SAMD12: variants seen among roughly 807,000 people sequenced by gnomAD.
SAMD12 encodes the protein sterile alpha motif domain-containing protein 12.
SAMD12 carries 9 observed loss-of-function variants against 15.0 expected under a neutral mutation model. That is an observed-to-expected ratio of 0.60 (90% CI 0.36 to 1.05). The LOEUF (loss-of-function observed/expected upper bound fraction) is 1.05, where lower values mean the gene tolerates loss of function less well. Ranked by LOEUF, SAMD12 falls within the 50% of genes least tolerant of loss-of-function variation. The pLI, the probability that SAMD12 is intolerant of heterozygous loss-of-function variation, is 0.01. For synonymous variants in SAMD12, 86 were observed against 90.1 expected, an observed-to-expected ratio of 0.96 and a Z score of 0.25; for missense variants, 230 against 234.2, an observed-to-expected ratio of 0.98 and a Z score of 0.12.
rs1006789128 is a variant in SAMD12 at position 118,271,337 on chromosome 8, A to G, written c.434-73605T>C. On this transcript the variant is annotated intron_variant, in intron 4 of 4. Coordinates refer to the SAMD12 transcript ENST00000409003. ...ACTATCATGAGAATAGCATAAGGGTAACTGTCCCCATGATTAAATTACCTC... is the reference window on the plus strand; with the variant it reads ...ACTATCATGAGAATAGCATAAGGGTGACTGTCCCCATGATTAAATTACCTC... Among the ~76,000 whole-genome samples the G allele has an allele frequency of 3.3e-5, 5 of 152,116 alleles. No homozygotes were observed. The South Asian group carries it at 1.0e-3, about 32-fold the overall frequency.
At chr8:118,610,462 A>G (rs1485374261) in intron 1 of SAMD12, among the ~76,000 whole-genome samples, 1 of 152,220 alleles carries the variant, frequency 6.6e-6, no homozygotes, top group African/African-American at 2.4e-5. Flanking sequence ...AAGTTCTACC[A>G]CAAATTAGCA....
At chr8:118,159,576 C>T in the SAMD12 span, among the ~76,000 whole-genome samples, 3 of 152,192 alleles carry the variant, frequency 2.0e-5, no homozygotes, top group Non-Finnish European at 2.9e-5. Context: ...GCTGGCAAAG[C>T]AACCCTCCAA....
the SAMD12 span, among the ~76,000 whole-genome samples, chr8:118,144,213 CTCT>C: frequency 6.6e-6 from 1 of 152,138 alleles, no homozygotes; most frequent in Non-Finnish European, 1.5e-5. Flanking sequence ...CCACAATTGT[CTCT>C]TCATCTCAAG....
chr8:118,271,884 C>A (rs936224896), intron 4 of SAMD12, among the ~76,000 whole-genome samples: 1 of 152,218 alleles, frequency 6.6e-6, no homozygotes, highest in Non-Finnish European at 1.5e-5. Context: ...TACAGCCCCC[C>A]ACTTCCTGGC....
At chr8:118,582,038 C>T (rs1364350428) in intron 1 of SAMD12, among the ~76,000 whole-genome samples, 1 of 152,170 alleles carries the variant, frequency 6.6e-6, no homozygotes, top group African/African-American at 2.4e-5. Flanking sequence ...CTATTCGGCA[C>T]TCCATTTAGG....
chr8:118,582,884 T>C (rs1042274288), intron 1 of SAMD12, among the ~76,000 whole-genome samples: 1 of 151,190 alleles, frequency 6.6e-6, no homozygotes, highest in African/African-American at 2.4e-5. Context: ...TGCATCTCGG[T>C]AGTTTCATCA....
chr8:118,243,499 T>C (rs1812619848), intron 4 of SAMD12, among the ~76,000 whole-genome samples: 1 of 152,154 alleles, frequency 6.6e-6, no homozygotes, highest in Non-Finnish European at 1.5e-5. Flanking sequence ...GGTGCACATA[T>C]ACACTTGAAA....
intron 3 of SAMD12, among the ~76,000 whole-genome samples, chr8:118,398,335 G>C (rs752402680): frequency 6.6e-6 from 1 of 152,148 alleles, no homozygotes; most frequent in Non-Finnish European, 1.5e-5. Context: ...GCCGATGCAG[G>C]TTACAGTGAG....
chr8:118,422,722 GAA>G (rs562715294), intron 3 of SAMD12, among the ~76,000 whole-genome samples: 16 of 152,230 alleles, frequency 1.1e-4, no homozygotes, highest in Non-Finnish European at 2.2e-4. Flanking sequence ...ATCATAGGAA[GAA>G]GAGAGACTAA....
chr8:118,149,073 T>C, the SAMD12 span, among the ~76,000 whole-genome samples: 1 of 152,200 alleles, frequency 6.6e-6, no homozygotes, highest in African/African-American at 2.4e-5. Context: ...TGCTGGGTCA[T>C]ATGGTAAATG....
chr8:118,342,478 A>C (rs992881741), intron 4 of SAMD12, among the ~76,000 whole-genome samples: 6 of 152,170 alleles, frequency 3.9e-5, no homozygotes, highest in Non-Finnish European at 8.8e-5. Flanking sequence ...AATATCTCCT[A>C]CTTTGAAATT....
intron 4 of SAMD12, among the ~76,000 whole-genome samples, chr8:118,255,080 CA>C (rs1430787668): frequency 6.6e-6 from 1 of 152,026 alleles, no homozygotes; most frequent in Non-Finnish European, 1.5e-5. Context: ...GAATCACTTT[CA>C]AATCCATAGC....
the SAMD12 span, among the ~76,000 whole-genome samples, chr8:118,147,673 T>G: frequency 6.6e-6 from 1 of 151,944 alleles, no homozygotes; most frequent in Non-Finnish European, 1.5e-5. Flanking sequence ...ATGAAAAAAT[T>G]AAAGCTAAAA....
At chr8:118,412,588 G>A (rs1456780455) in intron 3 of SAMD12, among the ~76,000 whole-genome samples, 1 of 152,096 alleles carries the variant, frequency 6.6e-6, no homozygotes, top group Non-Finnish European at 1.5e-5. Flanking sequence ...GTATAGCAAA[G>A]GTTACTGCAT....
chr8:118,309,809 T>G (rs1331575427), intron 4 of SAMD12, among the ~76,000 whole-genome samples: 1 of 152,190 alleles, frequency 6.6e-6, no homozygotes, highest in Middle Eastern at 3.2e-3. Context: ...TAGTCCCATA[T>G]TTTCTGTCTT....
At chr8:118,146,851 G>A in the SAMD12 span, among the ~76,000 whole-genome samples, 1 of 152,098 alleles carries the variant, frequency 6.6e-6, no homozygotes, top group African/African-American at 2.4e-5. Flanking sequence ...TGAGCCCTGG[G>A]ATTTCACTTA....
chr8:118,379,352 CA>C lies in SAMD12; in HGVS notation c.*64del. 1.3e-6 allele frequency: 2 copies of C among 1,555,864 alleles called. No homozygotes were observed. The highest frequency in any genetic ancestry group is 1.7e-6 in the Non-Finnish European group (2 of 1,154,298). ...GCTCAGGTAATTCTGTTTGCTCATC[CA>C]TTACTTATTTGTGCATCCTTCTCCC... is the stretch of plus-strand genomic sequence containing the variant. On this transcript the variant is annotated 3_prime_UTR_variant, in exon 4 of 4. Transcript: ENST00000314727.
intron 3 of SAMD12, among the ~76,000 whole-genome samples, chr8:118,401,704 TA>T (rs1820879594): frequency 6.6e-6 from 1 of 152,170 alleles, no homozygotes; most frequent in Non-Finnish European, 1.5e-5. Flanking sequence ...TCAAAAAATT[TA>T]AAAACTCATG....
At chr8:118,163,005 T>C in the SAMD12 span, among the ~76,000 whole-genome samples, 2 of 152,148 alleles carry the variant, frequency 1.3e-5, no homozygotes, top group Admixed American at 6.5e-5. Context: ...AAACCTGATT[T>C]TGAGGGGTTA....
Sources: allele counts gnomAD v4.1 joint callset (sites outside exome capture counted in the v4.1 genomes callset), GRCh38; gene constraint gnomAD v4.1.1; transcripts MANE v1.5; gene names NCBI Gene and HGNC (gene_info 2026-07-23, HGNC 2026-07-21).